Variants in ANP32A observed in about 807,000 individuals in gnomAD.
ANP32A encodes acidic nuclear phosphoprotein 32 family member A.
ANP32A carries 1 observed loss-of-function variant against 33.9 expected under a neutral mutation model. The ratio of observed to expected loss-of-function variants is 0.03; its 90% CI spans 0.01 to 0.14. ANP32A has a LOEUF of 0.14. Ranked by LOEUF, ANP32A falls within the 10% of genes least tolerant of loss-of-function variation. The probability of loss-of-function intolerance (pLI) is 1.00; values close to 1 mark genes in which losing one functional copy is unlikely to be tolerated. For synonymous variants in ANP32A, 115 were observed against 120.5 expected (o/e 0.95, Z 0.30); for missense variants, 155 against 306.0 (o/e 0.51, Z 3.68).
chr15:68,794,513 G>C (rs1460864383), intron 1 of ANP32A, among the ~76,000 whole-genome samples: 1 of 152,198 alleles, frequency 6.6e-6, no homozygotes, highest in Non-Finnish European at 1.5e-5. Context: ...CACAAGAGAA[G>C]ACTCATATCA....
Position 68,780,305 on chromosome 15 carries a change from AC to A in ANP32A, c.688+104del, listed in dbSNP as rs1478473285. ...CTGGAAGGGGAATCTGAGGCCTCTG[AC>A]AGGAGTGTCCTGCCCACTGCCAGGG... is the stretch of plus-strand genomic sequence containing the variant. On this transcript the variant is annotated intron_variant, in intron 6 of 6. Transcript: ENST00000465139. The surrounding 1 kb of genome is among the most constrained non-coding windows in gnomAD (Gnocchi z 4.3). 3 of 1,583,802 alleles carry A rather than the reference AC, an allele frequency of 1.9e-6. No homozygotes were observed. The highest frequency in any genetic ancestry group is 2.6e-6 in the Non-Finnish European group (3 of 1,165,638).
intron 3 of ANP32A, among the ~76,000 whole-genome samples, chr15:68,786,252 CTTTTTTTTTTT>C (rs558065991): frequency 2.2e-5 from 2 of 90,098 alleles, no homozygotes; most frequent in Non-Finnish European, 4.2e-5. Flanking sequence ...GCTGCTGCTG[CTTTTTTTTTTT>C]TTTTTTTTTT....
chr15:68,786,322 C>A (rs79018349), intron 3 of ANP32A, among the ~76,000 whole-genome samples: 2 of 144,476 alleles, frequency 1.4e-5, no homozygotes, highest in African/African-American at 5.3e-5. Context: ...TGCAGTGACG[C>A]GATCTCAGCT....
In ANP32A at chr15:68,779,885, T is replaced by C. The variant is rs544477520; in HGVS notation, c.*196A>G. Reference sequence around the variant, plus strand: ...AAAAAATAAAGAGTGGCAGTAAAAATAGTATTTTATTCCACCCCCACCCGC... The same window carrying C: ...AAAAAATAAAGAGTGGCAGTAAAAACAGTATTTTATTCCACCCCCACCCGC... On this transcript the variant is annotated 3_prime_UTR_variant, in exon 7 of 7. Transcript: ENST00000465139. 9.1e-6 allele frequency: 5 copies of C among 550,120 alleles called. No homozygotes were observed. Among genetic ancestry groups the C allele is most frequent in the East Asian group, 8.8e-5 (3 of 34,136 alleles). 34.1% of individuals were successfully genotyped at this position (550,120 alleles called of 1,614,324 possible). A position where few individuals can be genotyped will look rare whatever the true frequency, so the allele number is the denominator to read the frequency against.
At chr15:68,802,216 A>G (rs1345711907) in intron 1 of ANP32A, among the ~76,000 whole-genome samples, 34 of 152,166 alleles carry the variant, frequency 2.2e-4, no homozygotes, top group Admixed American at 2.0e-3. Flanking sequence ...ACCAAAATAT[A>G]TAAGATATAC....
chr15:68,784,193 A>G (rs1401880363), intron 4 of ANP32A: 21 of 608,050 alleles, frequency 3.5e-5, no homozygotes, highest in Non-Finnish European at 3.2e-5. Flanking sequence ...CCAATGAGAC[A>G]GATTAGGGAC....
Position 68,813,752 on chromosome 15 carries a change from C to T in ANP32A, c.54+6946G>A, listed in dbSNP as rs536405692. On this transcript the variant is annotated intron_variant, in intron 1 of 6. Transcript: ENST00000465139. ...GAATTCAGGCCAGACAATTGGGCCA[C>T]GTTCATTGGGCCAGGGCCCAATCAC... is the stretch of plus-strand genomic sequence containing the variant. 3.4e-4 allele frequency among the ~76,000 whole-genome samples: 51 copies of T among 152,238 alleles called. 1 individual carries two copies. The highest frequency in any genetic ancestry group is 2.5e-3 in the East Asian group (13 of 5,166).
chr15:68,794,609 G>C (rs1018688861), intron 1 of ANP32A, among the ~76,000 whole-genome samples: 2 of 152,306 alleles, frequency 1.3e-5, no homozygotes, highest in Admixed American at 1.3e-4. Flanking sequence ...TCCCATTTCA[G>C]CTAGAAGGCC....
intron 1 of ANP32A, among the ~76,000 whole-genome samples, chr15:68,794,346 A>G (rs1894036195): frequency 6.6e-6 from 1 of 152,096 alleles, no homozygotes; most frequent in South Asian, 2.1e-4. Context: ...ACCCCTTTGG[A>G]TTTTTACATC....
intron 1 of ANP32A, among the ~76,000 whole-genome samples, chr15:68,813,995 G>A (rs181474502): frequency 6.1e-5 from 9 of 148,158 alleles, no homozygotes; most frequent in African/African-American, 2.0e-4. Flanking sequence ...TCAGCCTCCC[G>A]AATAGCTGGG....
chr15:68,804,197 G>T (rs1894180708), intron 1 of ANP32A, among the ~76,000 whole-genome samples: 1 of 152,206 alleles, frequency 6.6e-6, no homozygotes, highest in Non-Finnish European at 1.5e-5. Flanking sequence ...AGAAGAGAAA[G>T]TAAAGTCAAG....
At chr15:68,794,552 G>A (rs150118774) in intron 1 of ANP32A, among the ~76,000 whole-genome samples, 1 of 152,170 alleles carries the variant, frequency 6.6e-6, no homozygotes, top group African/African-American at 2.4e-5. Flanking sequence ...TGGTGCTCGT[G>A]GGTTTTAAAT....
intron 1 of ANP32A, among the ~76,000 whole-genome samples, chr15:68,797,584 C>G (rs1894079353): frequency 6.6e-6 from 1 of 152,196 alleles, no homozygotes; most frequent in Non-Finnish European, 1.5e-5. Flanking sequence ...CAGACCCCCA[C>G]CCATCAGTGC....
At chr15:68,791,556 C>A (rs894893955) in intron 1 of ANP32A, 4 of 152,836 alleles carry the variant, frequency 2.6e-5, no homozygotes, top group African/African-American at 9.6e-5. Context: ...CCTGCCCTGG[C>A]TCAGATGACG....
chr15:68,805,521 G>C (rs1393726660), intron 1 of ANP32A, among the ~76,000 whole-genome samples: 1 of 152,238 alleles, frequency 6.6e-6, no homozygotes, highest in Non-Finnish European at 1.5e-5. Context: ...AAAGGCAGAG[G>C]GCTGGAGCCC....
At position 68,787,434 on chromosome 15, in the gene ANP32A, G is replaced by A; in HGVS notation, c.306C>T (p.Asp102=). 6.2e-7 allele frequency: 1 copy of A among 1,614,204 alleles called. No homozygotes were observed. Among genetic ancestry groups the A allele is most frequent in the Middle Eastern group, 1.6e-4 (1 of 6,062 alleles). ...HLNLSGNKIK[D]LSTIEPLKKL... ...TTACCAGTGGCTCTATTGTGCTGAGGTCTTTAATTTTGTTGCCACTTAAAT... is the reference window on the plus strand; with the variant it reads ...TTACCAGTGGCTCTATTGTGCTGAGATCTTTAATTTTGTTGCCACTTAAAT... Residue 102 remains aspartate, a synonymous_variant, in exon 3 of 7, where the codon GAC becomes GAT. Coordinates refer to ENST00000465139, the MANE Select transcript of ANP32A (RefSeq NM_006305.4).
At position 68,780,369 on chromosome 15, in the gene ANP32A, G is replaced by A. The variant is rs766473326; in HGVS notation, c.688+41C>T. 1.2e-6 allele frequency: 2 copies of A among 1,613,736 alleles called. No homozygotes were observed. Among genetic ancestry groups the A allele is most frequent in the South Asian group, 2.2e-5 (2 of 91,058 alleles). ...AAGCAATCTAAGGCCAAAGTGAAAG[G>A]GCCAGGCTGCTACCAGCTGAGAGTA... On this transcript the variant is annotated intron_variant, in intron 6 of 6. Coordinates refer to ENST00000465139, the MANE Select transcript of ANP32A (RefSeq NM_006305.4). This position sits in a 1 kb window ranked among gnomAD's most constrained non-coding sequence, Gnocchi z 4.3.
chr15:68,818,494 C>G (rs1894421017), intron 1 of ANP32A, among the ~76,000 whole-genome samples: 1 of 152,114 alleles, frequency 6.6e-6, no homozygotes, highest in Non-Finnish European at 1.5e-5. Flanking sequence ...AGTGCCCCCT[C>G]CTCCGCCACC....
At chr15:68,788,033 C>T (rs1893954691) in intron 1 of ANP32A, 114 bp from the exon 2 acceptor site, 1 of 1,277,080 alleles carries the variant, frequency 7.8e-7, no homozygotes, top group African/African-American at 1.5e-5. Flanking sequence ...CAGTCAGTCA[C>T]TCCGTCACTT....
Sources: gnomAD v4.1 joint callset for allele counts (sites outside exome capture counted in the v4.1 genomes callset) on GRCh38, gnomAD v4.1.1 for gene constraint, Gnocchi (gnomAD v3.1) non-coding constraint, MANE v1.5 for transcripts, NCBI Gene and HGNC (gene_info 2026-07-23, HGNC 2026-07-21) for gene names.